Variants in GABRG3 observed in about 807,000 individuals in gnomAD.
The protein encoded by GABRG3 is gamma-aminobutyric acid receptor subunit gamma-3.
A neutral mutation model predicts 48.8 loss-of-function variants in GABRG3; 25 were observed. The ratio of observed to expected loss-of-function variants is 0.51; its 90% confidence interval spans 0.37 to 0.72. The LOEUF is 0.72. Ranked by LOEUF, GABRG3 falls within the 30% of genes least tolerant of loss-of-function variation. The pLI is 0.00. For missense variants in GABRG3, 394 were observed against 577.9 expected, an observed-to-expected ratio of 0.68 and a Z score of 3.26; for synonymous variants, 227 against 217.6, an observed-to-expected ratio of 1.04 and a Z score of -0.38.
chr15:27,484,968 A>G (rs1287242563), intron 6 of GABRG3, among the ~76,000 whole-genome samples: 3 of 152,222 alleles, frequency 2.0e-5, no homozygotes, highest in African/African-American at 7.2e-5. Context: ...AGAATTTCAC[A>G]TGATTTATGT....
At chr15:27,439,493 C>T (rs573045927) in intron 5 of GABRG3, among the ~76,000 whole-genome samples, 1 of 152,154 alleles carries the variant, frequency 6.6e-6, no homozygotes, top group East Asian at 1.9e-4. Context: ...CAAACACTAC[C>T]TCAGAATCAT....
chr15:27,052,130 C>T (rs74006562), intron 3 of GABRG3, among the ~76,000 whole-genome samples: 1,566 of 152,236 alleles, frequency 0.01, 28 homozygotes, highest in African/African-American at 0.035. Context: ...GGCCACAGAT[C>T]GGGCGTTGGG....
At chr15:27,136,980 A>T (rs757103608) in intron 3 of GABRG3, among the ~76,000 whole-genome samples, 2 of 152,130 alleles carry the variant, frequency 1.3e-5, no homozygotes, top group Non-Finnish European at 2.9e-5. Flanking sequence ...GACGCCCACC[A>T]GGATGGATGA....
At chr15:27,224,643 G>A (rs2140442997) in intron 3 of GABRG3, among the ~76,000 whole-genome samples, 1 of 152,312 alleles carries the variant, frequency 6.6e-6, no homozygotes. Context: ...GTCCTAGCAA[G>A]GAATTGCCAC....
At chr15:27,383,446 A>G (rs1478644163) in intron 5 of GABRG3, among the ~76,000 whole-genome samples, 3 of 152,180 alleles carry the variant, frequency 2.0e-5, no homozygotes, top group Non-Finnish European at 4.4e-5. Flanking sequence ...TGGGCAACTC[A>G]TTTATGCCTC....
At chr15:27,530,319 C>G (rs1339691924) in intron 9 of GABRG3, among the ~76,000 whole-genome samples, 1 of 152,154 alleles carries the variant, frequency 6.6e-6, no homozygotes, top group Non-Finnish European at 1.5e-5. Context: ...AGGAGGGAGT[C>G]AGGGACCCAG....
chr15:27,535,859 A>G lies in GABRG3; in HGVS notation c.*2978A>G, dbSNP rs1479082396. On this transcript the variant is annotated 3_prime_UTR_variant, in exon 10 of 10. Transcript: ENST00000615808. Reference sequence around the variant, plus strand: ...AGTGTGGGGAGAGTGGGAAGGAAGTACGCTTTCTTTCACTAAAGACTCTCT... The same window carrying G: ...AGTGTGGGGAGAGTGGGAAGGAAGTGCGCTTTCTTTCACTAAAGACTCTCT... 1 of 152,278 alleles carries G rather than the reference A, an allele frequency of 6.6e-6. No individual in the cohort carries two copies. Among genetic ancestry groups the G allele is most frequent in the Non-Finnish European group, 1.5e-5 (1 of 68,124 alleles). The allele number at this position is 152,278 out of a possible 1,614,324, so 9.4% of individuals were successfully genotyped here.
chr15:27,116,845 T>G (rs1303199228), intron 3 of GABRG3, among the ~76,000 whole-genome samples: 1 of 152,168 alleles, frequency 6.6e-6, no homozygotes, highest in East Asian at 1.9e-4. Flanking sequence ...CCTGTAAGGG[T>G]GCATCAAGAG....
intron 3 of GABRG3, among the ~76,000 whole-genome samples, chr15:27,322,016 T>C (rs1566784485): frequency 1.3e-5 from 2 of 152,242 alleles, no homozygotes; most frequent in Non-Finnish European, 2.9e-5. Context: ...GTTTCATCTG[T>C]TAGTATTTCA....
chr15:27,256,218 G>A (rs1335469966), intron 3 of GABRG3, among the ~76,000 whole-genome samples: 5 of 151,972 alleles, frequency 3.3e-5, no homozygotes, highest in Admixed American at 6.6e-5. Context: ...CGAGGCGGGC[G>A]GATCAGGAGG....
At chr15:27,386,673 T>C (rs567730802) in intron 5 of GABRG3, among the ~76,000 whole-genome samples, 2 of 152,198 alleles carry the variant, frequency 1.3e-5, no homozygotes, top group Non-Finnish European at 2.9e-5. Context: ...TTACATGTTA[T>C]GGAGCTTGAA....
intron 3 of GABRG3, among the ~76,000 whole-genome samples, chr15:27,174,591 TCTCTCTCTC>T (rs1566954796): frequency 1.3e-4 from 14 of 109,338 alleles, no homozygotes; most frequent in Non-Finnish European, 2.0e-4. Flanking sequence ...CTCGTCTCTC[TCTCTCTCTC>T]TCTCTCTCTC....
At chr15:27,237,556 GAC>G (rs1448301299) in intron 3 of GABRG3, among the ~76,000 whole-genome samples, 2 of 152,164 alleles carry the variant, frequency 1.3e-5, no homozygotes, top group East Asian at 3.9e-4. Context: ...GGGTTCAAAA[GAC>G]ACACAGGGAC....
rs1457660511 is a variant in GABRG3 at position 27,352,171 on chromosome 15, A to G, written c.574+23283A>G. 1.3e-5 allele frequency among the ~76,000 whole-genome samples: 2 copies of G among 149,868 alleles called. No homozygotes were observed. The highest frequency in any genetic ancestry group is 3.0e-5 in the Non-Finnish European group (2 of 67,634). On this transcript the variant is annotated intron_variant, in intron 5 of 9. Coordinates refer to ENST00000615808, the MANE Select transcript of GABRG3 (RefSeq NM_033223.5). The surrounding 1 kb of genome is among the most constrained non-coding windows in gnomAD (Gnocchi z 4.0). ...TTGTGTATGGTGTGTGTGTTTGTGT[A>G]TGGTGTGTGTGTTTGTGTGTATCTT...
In GABRG3 at chr15:27,537,844, A is replaced by T. The variant is rs1430514698; in HGVS notation, c.*4963A>T. 1.4e-5 allele frequency: 2 copies of T among 140,662 alleles called. No individual in the cohort carries two copies. The highest frequency in any genetic ancestry group is 3.0e-5 in the Non-Finnish European group (2 of 66,660). 8.7% of individuals were successfully genotyped at this position (140,662 alleles called of 1,614,324 possible). Reference sequence around the variant, plus strand: ...TATTTATTTATTTATTTATTTATTTATTTATTTATTTTGAGATGAAGTTTT... The same window carrying T: ...TATTTATTTATTTATTTATTTATTTTTTTATTTATTTTGAGATGAAGTTTT... On this transcript the variant is annotated 3_prime_UTR_variant, in exon 10 of 10. Coordinates refer to ENST00000615808, the MANE Select transcript of GABRG3 (RefSeq NM_033223.5).
chr15:27,418,272 G>A (rs1262926213), intron 5 of GABRG3, among the ~76,000 whole-genome samples: 1 of 152,186 alleles, frequency 6.6e-6, no homozygotes, highest in Non-Finnish European at 1.5e-5. Flanking sequence ...ATGTAGTGAG[G>A]GGAAAATGGG....
chr15:27,298,029 C>T (rs1167609857), intron 3 of GABRG3, among the ~76,000 whole-genome samples: 1 of 151,758 alleles, frequency 6.6e-6, no homozygotes, highest in Non-Finnish European at 1.5e-5. Context: ...AGAAAATATC[C>T]ACTTAATCCA....
chr15:27,126,272 T>C (rs1251130765), intron 3 of GABRG3, among the ~76,000 whole-genome samples: 2 of 152,158 alleles, frequency 1.3e-5, no homozygotes, highest in Non-Finnish European at 2.9e-5. Context: ...AATTTACAGA[T>C]AAGAAACTGG....
At chr15:27,297,928 G>T (rs1338467629) in intron 3 of GABRG3, among the ~76,000 whole-genome samples, 1 of 151,852 alleles carries the variant, frequency 6.6e-6, no homozygotes, top group Admixed American at 6.6e-5. Context: ...ATTTTAAAGG[G>T]TAACATGTAT....
Sources: gnomAD v4.1 joint callset for allele counts (sites outside exome capture counted in the v4.1 genomes callset) on GRCh38, gnomAD v4.1.1 for gene constraint, Gnocchi (gnomAD v3.1) non-coding constraint, MANE v1.5 for transcripts, NCBI Gene and HGNC (gene_info 2026-07-23, HGNC 2026-07-21) for gene names.